Variants in DLGAP2 observed in about 807,000 individuals in gnomAD.
The protein encoded by DLGAP2 is disks large-associated protein 2.
In DLGAP2, 26 loss-of-function variants were observed where a neutral mutation model predicts 100.3. The observed-to-expected ratio is 0.26, with a 90% CI of 0.19 to 0.36. DLGAP2 has a LOEUF of 0.36. Ranked by LOEUF, DLGAP2 falls within the 10% of genes least tolerant of loss-of-function variation. The probability of loss-of-function intolerance (pLI) is 1.00; values close to 1 mark genes in which losing one functional copy is unlikely to be tolerated. For missense variants in DLGAP2, 1,858 were observed against 1,453.2 expected, an observed-to-expected ratio of 1.28 and a Z score of -4.53; for synonymous variants, 886 against 630.1, an observed-to-expected ratio of 1.41 and a Z score of -6.08.
intron 3 of DLGAP2, among the ~76,000 whole-genome samples, chr8:1,456,338 C>A (rs958769569): frequency 6.6e-6 from 1 of 152,182 alleles, no homozygotes; most frequent in African/African-American, 2.4e-5. Flanking sequence ...TTCATCACGC[C>A]CTTTAAATAT....
At chr8:1,488,859 G>T (rs1404338765) in intron 3 of DLGAP2, among the ~76,000 whole-genome samples, 1 of 152,160 alleles carries the variant, frequency 6.6e-6, no homozygotes, top group Admixed American at 6.5e-5. Context: ...CAGATAGTGG[G>T]GCATGCAGGG....
intron 1 of DLGAP2, among the ~76,000 whole-genome samples, chr8:871,715 C>T (rs548898864): frequency 6.6e-6 from 1 of 152,022 alleles, no homozygotes; most frequent in African/African-American, 2.4e-5. Context: ...AAAAAAAAAC[C>T]AATTTGAAGT....
chr8:1,061,514 TC>T (rs930742265), intron 2 of DLGAP2, among the ~76,000 whole-genome samples: 1 of 151,756 alleles, frequency 6.6e-6, no homozygotes, highest in African/African-American at 2.4e-5. Context: ...CTTATTTGCA[TC>T]CCCCCCTCCA....
Position 1,006,057 on chromosome 8 carries a change from C to T in DLGAP2, c.73+98091C>T, listed in dbSNP as rs190002193. On this transcript the variant is annotated intron_variant, in intron 2 of 14. Transcript: ENST00000637795. ...TACAAAAATTAGCTGGGTGTGGTGG[C>T]GGGCACCTGTAATCACAGGTACTCG... Among the ~76,000 whole-genome samples, 512 of 152,114 alleles carry T rather than the reference C, an allele frequency of 3.4e-3. 4 individuals are homozygous for T. Among genetic ancestry groups the T allele is most frequent in the African/African-American group, 0.012 (485 of 41,498 alleles).
intron 2 of DLGAP2, among the ~76,000 whole-genome samples, chr8:1,174,228 G>T (rs1306914405): frequency 1.3e-5 from 2 of 152,094 alleles, no homozygotes; most frequent in East Asian, 3.9e-4. Context: ...TTGCTATTCT[G>T]CAGGGAATGT....
chr8:1,493,960 GA>G (rs1425444042), intron 3 of DLGAP2, among the ~76,000 whole-genome samples: 1 of 152,228 alleles, frequency 6.6e-6, no homozygotes, highest in Admixed American at 6.5e-5. Context: ...AGACTGGTGG[GA>G]ACGTGTTGTA....
At chr8:1,112,988 A>G (rs1805007955) in intron 2 of DLGAP2, among the ~76,000 whole-genome samples, 1 of 152,216 alleles carries the variant, frequency 6.6e-6, no homozygotes, top group Middle Eastern at 3.4e-3. Context: ...TATTTTTGTC[A>G]GCTTTGTCTA....
intron 2 of DLGAP2, among the ~76,000 whole-genome samples, chr8:947,511 C>T (rs928598151): frequency 4.6e-5 from 7 of 152,346 alleles, no homozygotes; most frequent in South Asian, 2.1e-4. Flanking sequence ...AGATGTGGCC[C>T]GTGGAGCCTG....
At chr8:1,030,785 T>C (rs1020650454) in intron 2 of DLGAP2, among the ~76,000 whole-genome samples, 2 of 152,222 alleles carry the variant, frequency 1.3e-5, no homozygotes, top group African/African-American at 2.4e-5. Flanking sequence ...TTTTGTGAAC[T>C]GACCTAAGTT....
At chr8:1,586,947 T>G (rs1326367362) in intron 6 of DLGAP2, among the ~76,000 whole-genome samples, 1 of 152,214 alleles carries the variant, frequency 6.6e-6, no homozygotes, top group Non-Finnish European at 1.5e-5. Flanking sequence ...AGATTCTGAC[T>G]AGAATGGAGG....
intron 2 of DLGAP2, among the ~76,000 whole-genome samples, chr8:1,045,095 C>G (rs531163124): frequency 2.0e-5 from 3 of 152,194 alleles, no homozygotes; most frequent in African/African-American, 4.8e-5. Context: ...GCTGAATGCC[C>G]GGTCCATTCC....
At chr8:1,460,777 T>TA (rs1430955436) in intron 3 of DLGAP2, among the ~76,000 whole-genome samples, 1 of 152,222 alleles carries the variant, frequency 6.6e-6, no homozygotes, top group Non-Finnish European at 1.5e-5. Flanking sequence ...GAATGGTTTT[T>TA]ACTAATCAGA....
At chr8:1,372,259 C>T (rs888748252) in intron 3 of DLGAP2, among the ~76,000 whole-genome samples, 30 of 151,668 alleles carry the variant, frequency 2.0e-4, no homozygotes, top group African/African-American at 7.3e-4. Context: ...CGCTGGTCAC[C>T]GTGCTGCCAA....
In DLGAP2 at chr8:1,464,255, T is replaced by TTCCAGGACGGCA. The variant is rs1334164342; in HGVS notation, c.107-37111_107-37110insTCCAGGACGGCA. ...CAGGACGACACCCTTCCAGGACGGC[T>TTCCAGGACGGCA]CCCTTCCAGGACGGCACCCTTCCAG... On this transcript the variant is annotated intron_variant, in intron 3 of 14. Transcript: ENST00000637795. Among the ~76,000 whole-genome samples the TTCCAGGACGGCA allele has an allele frequency of 3.0e-3, 207 of 69,648 alleles. 33 individuals carry two copies. Among genetic ancestry groups the TTCCAGGACGGCA allele is most frequent in the South Asian group, 6.5e-3 (12 of 1,842 alleles). The allele number at this position is 69,648 out of a possible 152,430, so 45.7% of individuals were successfully genotyped here.
intron 1 of DLGAP2, among the ~76,000 whole-genome samples, chr8:893,948 A>G (rs1404632098): frequency 1.3e-5 from 2 of 152,210 alleles, no homozygotes; most frequent in African/African-American, 4.8e-5. Flanking sequence ...GTCTCCGAGT[A>G]GCTCAGCCTT....
intron 2 of DLGAP2, among the ~76,000 whole-genome samples, chr8:1,219,041 C>T (rs147988121): frequency 0.01 from 1,556 of 152,256 alleles, 21 homozygotes; most frequent in Non-Finnish European, 0.012. Context: ...GCGGGGTTTT[C>T]TAGGTATAGA....
intron 2 of DLGAP2, among the ~76,000 whole-genome samples, chr8:1,136,981 A>T (rs932126265): frequency 1.6e-4 from 25 of 152,246 alleles, no homozygotes; most frequent in Non-Finnish European, 2.9e-5. Context: ...CTGCCTCTCA[A>T]GATGGTGCCC....
Position 989,820 on chromosome 8 carries a change from G to A in DLGAP2, c.73+81854G>A, listed in dbSNP as rs565890747. Among the ~76,000 whole-genome samples the A allele has an allele frequency of 2.0e-5, 3 of 152,230 alleles. No homozygotes were observed. In the South Asian group the frequency reaches 6.2e-4, roughly 32 times the overall value. ...TCCCCAGGGTCCCTGCTAATGACTGGCTATGTGGCTTTGGAGGAAGTCTCT... is the reference window on the plus strand; with the variant it reads ...TCCCCAGGGTCCCTGCTAATGACTGACTATGTGGCTTTGGAGGAAGTCTCT... On this transcript the variant is annotated intron_variant, in intron 2 of 14. Transcript: ENST00000637795.
intron 1 of DLGAP2, among the ~76,000 whole-genome samples, chr8:853,132 G>A (rs1205652198): frequency 6.6e-6 from 1 of 152,216 alleles, no homozygotes; most frequent in African/African-American, 2.4e-5. Context: ...GTCCCCAAGA[G>A]TACCCACAGT....
Sources: gnomAD v4.1 joint callset for allele counts (sites outside exome capture counted in the v4.1 genomes callset) on GRCh38, gnomAD v4.1.1 for gene constraint, MANE v1.5 for transcripts, NCBI Gene and HGNC (gene_info 2026-07-23, HGNC 2026-07-21) for gene names.